The following UBE4B variants were observed in gnomAD, a reference collection of about 807,000 sequenced individuals.
The protein encoded by UBE4B is ubiquitin conjugation factor E4 B.
In UBE4B, 27 loss-of-function variants were observed where a neutral mutation model predicts 148.1. The ratio of observed to expected loss-of-function variants is 0.18; its 90% CI spans 0.13 to 0.25. The LOEUF (loss-of-function observed/expected upper bound fraction) is 0.25. UBE4B is among the 10% of genes least tolerant of loss of function. UBE4B has a pLI of 1.00. For synonymous variants in UBE4B, 596 were observed against 619.3 expected, an observed-to-expected ratio of 0.96 and a Z score of 0.56; for missense variants, 1,170 against 1,662.4, an observed-to-expected ratio of 0.70 and a Z score of 5.15.
intron 7 of UBE4B, among the ~76,000 whole-genome samples, chr1:10,113,267 T>G (rs1202474989): frequency 4.6e-5 from 7 of 152,060 alleles, no homozygotes; most frequent in Admixed American, 2.0e-4. Context: ...ACTCACTGAG[T>G]GAGAACTCAC....
At chr1:10,128,376 A>G (rs1355942320) in intron 11 of UBE4B, 1 of 152,264 alleles carries the variant, frequency 6.6e-6, no homozygotes, top group Non-Finnish European at 1.5e-5. Flanking sequence ...TACAATAATG[A>G]GAGGCAGGAA....
At chr1:10,082,632 CTTTTTTTTTTT>C (rs5772395) in intron 2 of UBE4B, among the ~76,000 whole-genome samples, 3 of 105,922 alleles carry the variant, frequency 2.8e-5, no homozygotes, top group African/African-American at 7.3e-5. Context: ...AAGAAGGCGA[CTTTTTTTTTTT>C]TTTTTTTTTT....
At chr1:10,132,318 CAT>C (rs766682593) in intron 14 of UBE4B, 49 bp from the exon 15 acceptor site, 44 of 1,451,710 alleles carry the variant, frequency 3.0e-5, no homozygotes, top group South Asian at 1.8e-4. Flanking sequence ...AAAAAGGAAT[CAT>C]GTGCAAAATA....
chr1:10,139,917 A>G (rs868442302), intron 17 of UBE4B, among the ~76,000 whole-genome samples: 18 of 152,100 alleles, frequency 1.2e-4, no homozygotes, highest in African/African-American at 2.9e-4. Flanking sequence ...TAGTAGAGAC[A>G]GGGTTTCTCC....
At chr1:10,171,657 A>C (rs1434792198) in intron 25 of UBE4B, among the ~76,000 whole-genome samples, 4 of 152,242 alleles carry the variant, frequency 2.6e-5, no homozygotes, top group Non-Finnish European at 4.4e-5. Context: ...CGAGGCGGGC[A>C]GATCAAGAGG....
At chr1:10,152,043 G>A (rs1450978505) in intron 21 of UBE4B, among the ~76,000 whole-genome samples, 2 of 151,762 alleles carry the variant, frequency 1.3e-5, no homozygotes, top group African/African-American at 4.8e-5. Context: ...CGGATCACAA[G>A]GTCAGGAGTT....
intron 8 of UBE4B, among the ~76,000 whole-genome samples, chr1:10,119,265 G>A (rs528026268): frequency 6.6e-6 from 1 of 152,186 alleles, no homozygotes; most frequent in South Asian, 2.1e-4. Context: ...GAGCCACCGC[G>A]CCTGGCCTCT....
intron 5 of UBE4B, among the ~76,000 whole-genome samples, chr1:10,103,756 G>A (rs1278278822): frequency 1.3e-5 from 2 of 150,892 alleles, no homozygotes; most frequent in Non-Finnish European, 2.9e-5. Flanking sequence ...TCAGCCTCCC[G>A]AGTTGGGATT....
At chr1:10,160,710 G>T (rs1646146333) in intron 22 of UBE4B, among the ~76,000 whole-genome samples, 2 of 152,184 alleles carry the variant, frequency 1.3e-5, no homozygotes, top group African/African-American at 4.8e-5. Flanking sequence ...ATTTTGAGGG[G>T]CTGAGGTGGG....
intron 26 of UBE4B, 69 bp from the exon 27 acceptor site, chr1:10,179,347 C>A: frequency 1.9e-6 from 3 of 1,571,012 alleles, no homozygotes; most frequent in Non-Finnish European, 2.6e-6. Context: ...GCTGGTAGAA[C>A]GGGCTTTGTT....
At chr1:10,137,921 C>CTTTTTTTTTTTTT (rs70998351) in intron 17 of UBE4B, among the ~76,000 whole-genome samples, 4 of 67,032 alleles carry the variant, frequency 6.0e-5, no homozygotes, top group Non-Finnish European at 7.3e-5. Flanking sequence ...CTTACTAATT[C>CTTTTTTTTTTTTT]TTTTTTTTTT....
intron 21 of UBE4B, among the ~76,000 whole-genome samples, chr1:10,154,509 C>T (rs898197855): frequency 1.3e-5 from 2 of 151,906 alleles, no homozygotes; most frequent in Non-Finnish European, 2.9e-5. Flanking sequence ...TGATGTTCTC[C>T]ACAGCATTAT....
Position 10,072,051 on chromosome 1 carries a change from A to T in UBE4B, c.48A>T (p.Arg16=). 6.2e-7 allele frequency: 1 copy of T among 1,601,418 alleles called. No individual in the cohort carries two copies. The highest frequency in any genetic ancestry group is 8.5e-7 in the Non-Finnish European group (1 of 1,174,952). The stretch of plus-strand genomic sequence containing the variant: ...AGATTCGACGGAGGCGCCTTGCACG[A>T]CTTGCTGGTGGACAGACCTCTCAGC... The part of the protein sequence containing the change: ...ADEIRRRRLA[R]LAGGQTSQPT... The change falls in exon 2 of 28, where the codon CGA becomes CGT. Residue 16 remains arginine, a synonymous_variant. Coordinates refer to ENST00000343090, the MANE Select transcript of UBE4B (RefSeq NM_001105562.3).
intron 23 of UBE4B, among the ~76,000 whole-genome samples, chr1:10,166,956 C>T (rs1190722970): frequency 1.4e-5 from 2 of 139,850 alleles, no homozygotes; most frequent in Admixed American, 6.9e-5. Flanking sequence ...CACACACACA[C>T]ACACACACAC....
chr1:10,132,353 T>TA lies in UBE4B; in HGVS notation c.1912-11dup. ...ATAGTTTTAATTTGTTTCTTCTTTTTAAAAATAAATTTCAGCAAGAGCTTT... is the reference window on the plus strand; with the variant it reads ...ATAGTTTTAATTTGTTTCTTCTTTTTAAAAAATAAATTTCAGCAAGAGCTTT... On this transcript the variant is annotated splice_polypyrimidine_tract_variant and intron_variant, in intron 14 of 27. Coordinates refer to ENST00000343090, the MANE Select transcript of UBE4B (RefSeq NM_001105562.3). 1.3e-6 allele frequency: 2 copies of TA among 1,597,778 alleles called. No homozygotes were observed. Among genetic ancestry groups the TA allele is most frequent in the Non-Finnish European group, 1.7e-6 (2 of 1,170,818 alleles).
chr1:10,066,610 A>G (rs531446147), intron 1 of UBE4B, among the ~76,000 whole-genome samples: 12 of 152,166 alleles, frequency 7.9e-5, no homozygotes, highest in South Asian at 2.1e-4. Flanking sequence ...ACCAATAATA[A>G]TACTAGGAGT....
At chr1:10,178,590 C>G in intron 25 of UBE4B, 54 bp from the exon 26 acceptor site, 2 of 1,510,710 alleles carry the variant, frequency 1.3e-6, no homozygotes, top group Non-Finnish European at 1.8e-6. Context: ...CTGCAGCTCG[C>G]TTTTTTCCAC....
intron 27 of UBE4B, 26 bp downstream of exon 27, chr1:10,179,588 C>T: frequency 1.2e-6 from 2 of 1,609,904 alleles, no homozygotes; most frequent in Non-Finnish European, 8.5e-7. Flanking sequence ...GTTTGAGGTG[C>T]AGCGCTGGCG....
At chr1:10,118,546 C>T (rs1189405318) in intron 8 of UBE4B, among the ~76,000 whole-genome samples, 2 of 151,594 alleles carry the variant, frequency 1.3e-5, no homozygotes, top group Non-Finnish European at 2.9e-5. Flanking sequence ...CTCTTGTTGC[C>T]CAGGCTGGAG....
Sources: allele counts gnomAD v4.1 joint callset (sites outside exome capture counted in the v4.1 genomes callset), GRCh38; gene constraint gnomAD v4.1.1; transcripts MANE v1.5; gene names NCBI Gene and HGNC (gene_info 2026-07-23, HGNC 2026-07-21).